FBXL2: variants seen among roughly 807,000 people sequenced by gnomAD.
The protein encoded by FBXL2 is F-box and leucine rich repeat protein 2.
Under a neutral mutation model 69.2 loss-of-function variants are expected in FBXL2, and 38 were observed. That is an observed-to-expected ratio of 0.55 (90% CI 0.42 to 0.72). The LOEUF (loss-of-function observed/expected upper bound fraction) is 0.72. Among genes scored for constraint, FBXL2 ranks in the 30% least tolerant of loss-of-function variants. FBXL2 has a pLI of 0.00. For synonymous variants in FBXL2, 192 were observed against 201.3 expected (o/e 0.95, Z 0.39); for missense variants, 354 against 520.3 (o/e 0.68, Z 3.11).
chr3:33,395,194 T>C (rs1019285248), intron 12 of FBXL2, among the ~76,000 whole-genome samples: 2 of 152,180 alleles, frequency 1.3e-5, no homozygotes, highest in African/African-American at 4.8e-5. Context: ...GAAGTCAAAA[T>C]AATACCAAAT....
At position 33,285,971 on chromosome 3, in the gene FBXL2, G is replaced by A. The variant is rs184364811; in HGVS notation, c.3+8456G>A. Among the ~76,000 whole-genome samples, 11 of 152,230 alleles carry A rather than the reference G, an allele frequency of 7.2e-5. No individual in the cohort carries two copies. The East Asian group carries it at 2.1e-3, about 29-fold the overall frequency. ...TCTTCAAGGTTTTTAGCTTCTTTGC[G>A]ATGGGTTCGAACATCCTCCTTTAGC... On this transcript the variant is annotated intron_variant, in intron 1 of 14. Transcript: ENST00000484457.
At chr3:33,408,387 A>AGAGGGAGGGAAG (rs1289722731), downstream of FBXL2, among the ~76,000 whole-genome samples, 1 of 152,204 alleles carries the variant, frequency 6.6e-6, no homozygotes, top group South Asian at 2.1e-4. Flanking sequence ...TGTGAAGGAG[A>AGAGGGAGGGAAG]GAGGGAGGGA....
In FBXL2 at chr3:33,284,205, C is replaced by G. The variant is rs560369639; in HGVS notation, c.3+6690C>G. ...GGCATTTAGTGCTATAAATTTCCCTCTACACACTGCTTTAAATGTGTCCCA... is the reference window on the plus strand; with the variant it reads ...GGCATTTAGTGCTATAAATTTCCCTGTACACACTGCTTTAAATGTGTCCCA... On this transcript the variant is annotated intron_variant, in intron 1 of 14. Transcript: ENST00000484457. Among the ~76,000 whole-genome samples the G allele has an allele frequency of 2.4e-4, 36 of 152,348 alleles. No homozygotes were observed. The East Asian group carries it at 6.4e-3, about 27-fold the overall frequency.
intron 13 of FBXL2, among the ~76,000 whole-genome samples, chr3:33,379,718 C>T (rs999930968): frequency 3.3e-5 from 5 of 151,262 alleles, no homozygotes; most frequent in Non-Finnish European, 5.9e-5. Flanking sequence ...CACTACAGAC[C>T]GATATTCCTC....
intron 2 of FBXL2, among the ~76,000 whole-genome samples, chr3:33,327,856 G>A (rs1270686361): frequency 6.6e-6 from 1 of 151,452 alleles, no homozygotes; most frequent in African/African-American, 2.4e-5. Context: ...GCAATAATTA[G>A]GCAAAAGAAA....
At chr3:33,282,534 T>C (rs2034138990) in intron 1 of FBXL2, among the ~76,000 whole-genome samples, 2 of 152,222 alleles carry the variant, frequency 1.3e-5, no homozygotes, top group South Asian at 4.1e-4. Flanking sequence ...ATGCAGGCTC[T>C]TTTTTGGTTC....
chr3:33,311,560 C>T (rs565533532), intron 2 of FBXL2, among the ~76,000 whole-genome samples: 1 of 152,014 alleles, frequency 6.6e-6, no homozygotes, highest in African/African-American at 2.4e-5. Flanking sequence ...TTGATCAAGT[C>T]TGCTGCTGAA....
chr3:33,278,898 G>T (rs991073786), intron 1 of FBXL2, among the ~76,000 whole-genome samples: 19 of 152,166 alleles, frequency 1.2e-4, no homozygotes. Context: ...AACAATTGTA[G>T]CAAGGAGAAA....
chr3:33,341,215 T>G (rs1559569668), intron 2 of FBXL2, among the ~76,000 whole-genome samples: 5 of 152,124 alleles, frequency 3.3e-5, no homozygotes, highest in Admixed American at 6.5e-5. Flanking sequence ...ATTTTATAGA[T>G]CCAACTACCA....
At chr3:33,330,523 A>G (rs2039064192) in intron 2 of FBXL2, among the ~76,000 whole-genome samples, 1 of 152,206 alleles carries the variant, frequency 6.6e-6, no homozygotes, top group South Asian at 2.1e-4. Context: ...CATAAAGAAA[A>G]TATAAATATT....
chr3:33,297,747 A>T (rs2035871422), intron 2 of FBXL2, 22 bp downstream of exon 2: 2 of 1,402,710 alleles, frequency 1.4e-6, no homozygotes, highest in Non-Finnish European at 2.0e-6. Context: ...TAAATTCTGG[A>T]TGAAGAGTTT....
chr3:33,415,700 T>C, the FBXL2 span, among the ~76,000 whole-genome samples: 1 of 151,906 alleles, frequency 6.6e-6, no homozygotes, highest in East Asian at 1.9e-4. Context: ...TAAATTTTAT[T>C]ATGGAGTTCA....
intron 9 of FBXL2, among the ~76,000 whole-genome samples, chr3:33,374,131 C>T (rs1447394782): frequency 2.0e-5 from 3 of 152,210 alleles, no homozygotes; most frequent in Non-Finnish European, 4.4e-5. Flanking sequence ...TATAAAGCCA[C>T]TGACATCTCC....
intron 1 of FBXL2, among the ~76,000 whole-genome samples, chr3:33,282,211 A>C (rs971356241): frequency 2.0e-5 from 3 of 152,074 alleles, no homozygotes; most frequent in Non-Finnish European, 4.4e-5. Flanking sequence ...TCCATCTTGA[A>C]TTAATTTTTG....
intron 14 of FBXL2, among the ~76,000 whole-genome samples, chr3:33,384,642 ACTT>A (rs1321335673): frequency 1.3e-5 from 2 of 152,036 alleles, no homozygotes; most frequent in African/African-American, 4.8e-5. Context: ...GTCACCTTAA[ACTT>A]CTTCAAAATG....
At position 33,373,861 on chromosome 3, in the gene FBXL2, T is replaced by C; in HGVS notation, c.597T>C (p.Ala199=). Reference sequence around the variant, plus strand: ...TGTCCACTCAGTTAGAAGATGAAGCTCTGAAACACATTCAGAATTACTGCC... The same window carrying C: ...TGTCCACTCAGTTAGAAGATGAAGCCCTGAAACACATTCAGAATTACTGCC... ...LRGCTQLEDE[A]LKHIQNYCHE... is the part of the protein sequence containing the mutation. Residue 199 remains alanine (A), a synonymous_variant, in exon 9 of 15, where the codon GCT becomes GCC. Coordinates refer to ENST00000484457, the MANE Select transcript of FBXL2 (RefSeq NM_012157.5). The C allele has an allele frequency of 6.2e-7, 1 of 1,614,214 alleles. No individual in the cohort carries two copies. Among genetic ancestry groups the C allele is most frequent in the Non-Finnish European group, 8.5e-7 (1 of 1,180,034 alleles).
At chr3:33,364,212 G>T in intron 4 of FBXL2, 1 of 178,722 alleles carries the variant, frequency 5.6e-6, no homozygotes, top group Admixed American at 5.5e-5. Context: ...GCTCAAGTAG[G>T]ATTTTCTTTT....
At chr3:33,312,413 C>T (rs1298384218) in intron 2 of FBXL2, among the ~76,000 whole-genome samples, 1 of 152,170 alleles carries the variant, frequency 6.6e-6, no homozygotes, top group Admixed American at 6.5e-5. Context: ...GGGCTGGTTA[C>T]TGGTGCTTTA....
Position 33,373,267 on chromosome 3 carries a change from T to C in FBXL2, c.367T>C (p.Tyr123His). 1 of 1,614,146 alleles carries C rather than the reference T, an allele frequency of 6.2e-7. No individual in the cohort carries two copies. The highest frequency in any genetic ancestry group is 8.5e-7 in the Non-Finnish European group (1 of 1,179,962). ...GCTKITDSTC[Y>H]SLSRFCSKLK... The stretch of plus-strand genomic sequence containing the variant: ...GCGTCTGCTCTTTTTCAGCACGTGT[T>C]ATAGCCTTAGCAGATTCTGTTCCAA... Residue 123 changes from tyrosine to histidine, a missense_variant, in exon 7 of 15, where the codon TAT becomes CAT. Physicochemically the swap from Tyr to His is moderately conservative, Grantham distance 83. Coordinates refer to ENST00000484457, the MANE Select transcript of FBXL2 (RefSeq NM_012157.5).
Sources: allele counts gnomAD v4.1 joint callset (sites outside exome capture counted in the v4.1 genomes callset), GRCh38; gene constraint gnomAD v4.1.1; transcripts MANE v1.5; gene names NCBI Gene and HGNC (gene_info 2026-07-23, HGNC 2026-07-21).